BACH2: variants seen among roughly 807,000 people sequenced by gnomAD.
The protein encoded by BACH2 is transcription regulator protein BACH2.
In BACH2, 5 loss-of-function variants were observed where a neutral mutation model predicts 61.8. The ratio of observed to expected loss-of-function variants is 0.08; its 90% CI spans 0.04 to 0.17. The LOEUF (loss-of-function observed/expected upper bound fraction) is 0.17. Among genes scored for constraint, BACH2 ranks in the 10% least tolerant of loss-of-function variants. BACH2 has a pLI of 1.00. For missense variants in BACH2, 824 were observed against 1,091.1 expected, an observed-to-expected ratio of 0.76 and a Z score of 3.45; for synonymous variants, 446 against 440.1, an observed-to-expected ratio of 1.01 and a Z score of -0.17.
chr6:90,153,790 C>T (rs1208308296), intron 4 of BACH2, among the ~76,000 whole-genome samples: 1 of 152,160 alleles, frequency 6.6e-6, no homozygotes, highest in Non-Finnish European at 1.5e-5. Flanking sequence ...TGTTATGGAA[C>T]CTAGAGAAAA....
At chr6:90,258,372 T>C (rs1771051233) in intron 2 of BACH2, among the ~76,000 whole-genome samples, 1 of 152,210 alleles carries the variant, frequency 6.6e-6, no homozygotes, top group Non-Finnish European at 1.5e-5. Context: ...TAGTTGACTA[T>C]ATATACGTGG....
intron 5 of BACH2, among the ~76,000 whole-genome samples, chr6:90,039,027 T>C (rs1304977170): frequency 1.4e-5 from 2 of 146,012 alleles, no homozygotes; most frequent in Admixed American, 1.4e-4. Flanking sequence ...GAAACAAGAG[T>C]GAAACTCCGT....
rs527331776 is a variant in BACH2 at position 90,221,295 on chromosome 6, C to T, written c.-274-14614G>A. 1.2e-3 allele frequency among the ~76,000 whole-genome samples: 184 copies of T among 151,910 alleles called. 6 individuals carry two copies. The highest frequency in any genetic ancestry group is 4.0e-4 in the Non-Finnish European group (27 of 67,972). ...TTATAATTTTTTAATCATAAGCCAC[C>T]CAGTGAGAAAAAGGAGGCCATTTTA... On this transcript the variant is annotated intron_variant, in intron 3 of 8. Coordinates refer to ENST00000257749, the MANE Select transcript of BACH2 (RefSeq NM_021813.4).
intron 8 of BACH2, among the ~76,000 whole-genome samples, chr6:89,933,383 AG>A (rs1772799121): frequency 6.6e-6 from 1 of 152,130 alleles, no homozygotes; most frequent in Non-Finnish European, 1.5e-5. Flanking sequence ...TAGGGGTAAA[AG>A]GGGTTGAACA....
chr6:90,016,152 T>A (rs1778047935), intron 5 of BACH2, among the ~76,000 whole-genome samples: 1 of 152,160 alleles, frequency 6.6e-6, no homozygotes, highest in South Asian at 2.1e-4. Flanking sequence ...TGTGTTTTTA[T>A]ATTTAAAATG....
At chr6:90,239,367 T>C (rs565259334) in intron 3 of BACH2, among the ~76,000 whole-genome samples, 2 of 152,280 alleles carry the variant, frequency 1.3e-5, no homozygotes, top group South Asian at 2.1e-4. Context: ...GTAAATCACA[T>C]TAACAGCTGA....
At chr6:90,286,098 C>G (rs953233) in intron 1 of BACH2, among the ~76,000 whole-genome samples, 1 of 152,086 alleles carries the variant, frequency 6.6e-6, no homozygotes, top group Non-Finnish European at 1.5e-5. Context: ...TGAAATCTCA[C>G]GAGCCAGTTA....
chr6:90,118,169 A>G (rs1000419383), intron 4 of BACH2, among the ~76,000 whole-genome samples: 1 of 152,224 alleles, frequency 6.6e-6, no homozygotes, highest in African/African-American at 2.4e-5. Context: ...GCCGTCTCCT[A>G]TGGACATCCT....
chr6:90,122,100 T>C (rs1783652392), intron 4 of BACH2, among the ~76,000 whole-genome samples: 1 of 152,228 alleles, frequency 6.6e-6, no homozygotes, highest in Non-Finnish European at 1.5e-5. Flanking sequence ...TTTACTAATC[T>C]GGTTCTCCTC....
chr6:90,282,183 G>C (rs920022355), intron 1 of BACH2, among the ~76,000 whole-genome samples: 1 of 152,008 alleles, frequency 6.6e-6, no homozygotes, highest in Non-Finnish European at 1.5e-5. Context: ...TAAGTTCAGG[G>C]GTATGCACAT....
intron 5 of BACH2, among the ~76,000 whole-genome samples, chr6:90,029,453 G>C (rs3857498): frequency 6.6e-6 from 1 of 151,864 alleles, no homozygotes; most frequent in East Asian, 1.9e-4. Flanking sequence ...ACCCTGCTCC[G>C]TTTAAACCAC....
Position 89,932,788 on chromosome 6 carries a change from C to T in BACH2, c.2146G>A (p.Asp716Asn), listed in dbSNP as rs1772754249. Residue 716 changes from aspartate to asparagine, a missense_variant, in exon 9 of 9, where the codon GAC (aspartate) becomes AAC (asparagine). This residue lies in a region of BACH2 where 160 missense variants were observed against 283.5 expected (regional missense o/e 0.56). Coordinates refer to ENST00000257749, the MANE Select transcript of BACH2 (RefSeq NM_021813.4). ...FSCLSQEVCRDIQSPEQIQAL... is the reference protein window; with the variant it reads ...FSCLSQEVCRNIQSPEQIQAL... The stretch of plus-strand genomic sequence containing the variant: ...TGGATCTGCTCGGGGCTCTGGATGT[C>T]TCGGCAAACTTCCTGGGAAAGGCAG... The T allele has an allele frequency of 6.2e-7, 1 of 1,613,290 alleles. No homozygotes were observed. The highest frequency in any genetic ancestry group is 8.5e-7 in the Non-Finnish European group (1 of 1,179,398).
chr6:90,051,056 A>G (rs1287480349), intron 5 of BACH2, among the ~76,000 whole-genome samples: 2 of 152,056 alleles, frequency 1.3e-5, no homozygotes, highest in Non-Finnish European at 2.9e-5. Context: ...ACAGGCTTTT[A>G]CAGGCTGGTA....
At chr6:90,118,435 T>C in intron 4 of BACH2, among the ~76,000 whole-genome samples, 1 of 152,222 alleles carries the variant, frequency 6.6e-6, no homozygotes, top group East Asian at 1.9e-4. Context: ...GCCCACTTTA[T>C]TGCATCTAAG....
At chr6:90,125,608 G>A (rs1783815954) in intron 4 of BACH2, among the ~76,000 whole-genome samples, 1 of 152,284 alleles carries the variant, frequency 6.6e-6, no homozygotes, top group South Asian at 2.1e-4. Flanking sequence ...TCTCTGCTCA[G>A]AACCAATGGA....
intron 5 of BACH2, among the ~76,000 whole-genome samples, chr6:90,061,739 C>G (rs1171640217): frequency 6.6e-6 from 1 of 152,002 alleles, no homozygotes; most frequent in Non-Finnish European, 1.5e-5. Flanking sequence ...GTCATGGAGG[C>G]TCAGAGAAAA....
intron 4 of BACH2, among the ~76,000 whole-genome samples, chr6:90,194,682 C>A (rs1768695051): frequency 6.6e-6 from 1 of 152,204 alleles, no homozygotes; most frequent in African/African-American, 2.4e-5. Flanking sequence ...GCATTTTCTG[C>A]ATCCAGCAGC....
At chr6:89,974,993 T>C (rs1582125215) in intron 6 of BACH2, among the ~76,000 whole-genome samples, 1 of 152,326 alleles carries the variant, frequency 6.6e-6, no homozygotes, top group African/African-American at 2.4e-5. Context: ...ATGCATGTTT[T>C]ACTGAAAGAG....
intron 5 of BACH2, among the ~76,000 whole-genome samples, chr6:90,074,114 A>C (rs1034051675): frequency 6.6e-6 from 1 of 152,202 alleles, no homozygotes; most frequent in African/African-American, 2.4e-5. Flanking sequence ...TAGTGAGACA[A>C]GTGATTTTCT....
Sources: gnomAD v4.1 joint callset for allele counts (sites outside exome capture counted in the v4.1 genomes callset) on GRCh38, gnomAD v4.1.1 for gene constraint, gnomAD v4.1.1 regional missense constraint, MANE v1.5 for transcripts, NCBI Gene and HGNC (gene_info 2026-07-23, HGNC 2026-07-21) for gene names.